Variants in EPC1 observed in about 807,000 individuals in gnomAD.
The protein encoded by EPC1 is enhancer of polycomb homolog 1.
EPC1 carries 12 observed loss-of-function variants against 98.4 expected under a neutral mutation model. That is an observed-to-expected ratio of 0.12 (90% CI 0.08 to 0.20). The LOEUF is 0.20. Among genes scored for constraint, EPC1 ranks in the 10% least tolerant of loss-of-function variants. EPC1 has a pLI of 1.00. For synonymous variants in EPC1, 357 were observed against 363.9 expected, an observed-to-expected ratio of 0.98 and a Z score of 0.21; for missense variants, 729 against 990.5, an observed-to-expected ratio of 0.74 and a Z score of 3.54.
upstream of EPC1, among the ~76,000 whole-genome samples, chr10:32,348,869 G>C (rs2133077529): frequency 6.6e-6 from 1 of 152,342 alleles, no homozygotes; most frequent in Middle Eastern, 3.4e-3. Flanking sequence ...ACCCAGGAGA[G>C]TAGTTCTAAT....
At chr10:32,366,130 G>C (rs1057055629) in intron 1 of EPC1, among the ~76,000 whole-genome samples, 3 of 152,032 alleles carry the variant, frequency 2.0e-5, no homozygotes, top group Admixed American at 1.3e-4. Context: ...CGAAACTCAG[G>C]CTAAAAACAA....
chr10:32,347,185 C>G, upstream of EPC1: 1 of 1,288,184 alleles, frequency 7.8e-7, no homozygotes. Flanking sequence ...CCCAGCCATT[C>G]CCCACACTGC....
chr10:32,321,228 G>A (rs796896034), intron 1 of EPC1, among the ~76,000 whole-genome samples: 5 of 152,134 alleles, frequency 3.3e-5, no homozygotes, highest in African/African-American at 1.2e-4. Flanking sequence ...TCATTCCACA[G>A]CTGCTTTTGC....
rs1592575921 is a variant in EPC1 at position 32,305,635 on chromosome 10, A to AT, written c.313+136dup. 2.8e-5 allele frequency: 14 copies of AT among 497,652 alleles called. No individual in the cohort carries two copies. The East Asian group carries it at 4.9e-4, about 17-fold the overall frequency. 30.8% of individuals were successfully genotyped at this position (497,652 alleles called of 1,614,324 possible). ...TCAAATATCATTTTAAAAGTTGAAA[A>AT]TGGACTCTACTAACTCTTAAGCTGA... On this transcript the variant is annotated intron_variant, in intron 2 of 13. Transcript: ENST00000319778.
rs188089286 is a variant in EPC1 at position 32,288,787 on chromosome 10, T to A, written c.976-1513A>T. 2.6e-3 allele frequency among the ~76,000 whole-genome samples: 390 copies of A among 152,170 alleles called. 3 individuals carry two copies. Among genetic ancestry groups the A allele is most frequent in the Non-Finnish European group, 3.4e-3 (228 of 68,006 alleles). On this transcript the variant is annotated intron_variant, in intron 6 of 13. Coordinates refer to ENST00000319778, the MANE Select transcript of EPC1 (RefSeq NM_001272004.3). Reference sequence around the variant, plus strand: ...GTAGGGCTCAGAGGGGGGGACCACATTAAAATAGTTAAGAGTGGGAGGTCG... The same window carrying A: ...GTAGGGCTCAGAGGGGGGGACCACAATAAAATAGTTAAGAGTGGGAGGTCG...
At chr10:32,333,768 C>CGAG (rs35447161) in intron 1 of EPC1, among the ~76,000 whole-genome samples, 122,123 of 151,920 alleles carry the variant, frequency 0.8, 50,030 homozygotes, top group East Asian at 0.96. Flanking sequence ...TAAGGCTTTA[C>CGAG]GAGAAGGGTG....
intron 1 of EPC1, among the ~76,000 whole-genome samples, chr10:32,344,675 A>G (rs999953863): frequency 6.6e-6 from 1 of 152,152 alleles, no homozygotes; most frequent in East Asian, 1.9e-4. Context: ...AATCCCAGCT[A>G]CTGGGGAGGC....
chr10:32,356,881 T>C (rs2133093602), intron 1 of EPC1, among the ~76,000 whole-genome samples: 1 of 152,130 alleles, frequency 6.6e-6, no homozygotes, highest in Admixed American at 6.5e-5. Context: ...CTCGGGAGGC[T>C]GAGGCAGGAG....
chr10:32,315,433 A>C (rs968436843), intron 1 of EPC1, among the ~76,000 whole-genome samples: 6 of 152,346 alleles, frequency 3.9e-5, no homozygotes, highest in African/African-American at 1.2e-4. Context: ...GCAAATAATG[A>C]TCATACCACT....
At chr10:32,333,734 TCA>T (rs1837779697) in intron 1 of EPC1, among the ~76,000 whole-genome samples, 3 of 150,538 alleles carry the variant, frequency 2.0e-5, no homozygotes, top group African/African-American at 7.3e-5. Context: ...ATTTTGCACT[TCA>T]CAGTGTATCT....
At chr10:32,291,140 A>G in intron 6 of EPC1, 23 bp downstream of exon 6, 1 of 1,597,178 alleles carries the variant, frequency 6.3e-7, no homozygotes, top group South Asian at 1.1e-5. Context: ...ATTAGATACT[A>G]TTATCACAAA....
intron 12 of EPC1, 27 bp from the exon 13 acceptor site, chr10:32,271,944 A>C (rs1179795017): frequency 6.2e-7 from 1 of 1,605,068 alleles, no homozygotes; most frequent in Non-Finnish European, 8.5e-7. Context: ...AGAAACATCT[A>C]AACAATGTAC....
chr10:32,285,867 C>T (rs1024829789), intron 9 of EPC1: 18 of 151,900 alleles, frequency 1.2e-4, no homozygotes, highest in Non-Finnish European at 2.2e-4. Context: ...ATATAGCTAA[C>T]GTAGAGAATT....
Position 32,346,222 on chromosome 10 carries a change from C to A in EPC1, c.153+541G>T, listed in dbSNP as rs193182051. ...GCCCGTCTGAGGCTCCACGTGGGGG[C>A]TGCACTGAGCCCAACAAGCTTCCCA... On this transcript the variant is annotated intron_variant, in intron 1 of 13. Coordinates refer to ENST00000319778, the MANE Select transcript of EPC1 (RefSeq NM_001272004.3). Among the ~76,000 whole-genome samples the A allele has an allele frequency of 2.5e-3, 380 of 152,318 alleles. 1 individual carries two copies. Among genetic ancestry groups the A allele is most frequent in the African/African-American group, 8.6e-3 (359 of 41,572 alleles).
At chr10:32,350,615 A>G (rs998202825), upstream of EPC1, among the ~76,000 whole-genome samples, 2 of 152,244 alleles carry the variant, frequency 1.3e-5, no homozygotes, top group Admixed American at 6.5e-5. Context: ...CAATTAGGAG[A>G]TAAAACTGGT....
At chr10:32,364,355 GTA>G (rs1839538007) in intron 1 of EPC1, among the ~76,000 whole-genome samples, 1 of 151,936 alleles carries the variant, frequency 6.6e-6, no homozygotes, top group Admixed American at 6.6e-5. Context: ...GTTACTCAGG[GTA>G]TTTTTAAAAA....
chr10:32,347,449 G>C (rs1157150867), upstream of EPC1: 1 of 157,176 alleles, frequency 6.4e-6, no homozygotes, highest in Non-Finnish European at 1.4e-5. Context: ...GCTCCCTCCC[G>C]GCGCCGCTTT....
intron 1 of EPC1, among the ~76,000 whole-genome samples, chr10:32,342,611 C>G (rs1444721935): frequency 1.3e-5 from 2 of 152,184 alleles, no homozygotes; most frequent in South Asian, 2.1e-4. Context: ...CTACTTGTAA[C>G]AGTTTCAAAG....
intron 1 of EPC1, among the ~76,000 whole-genome samples, chr10:32,339,058 A>C (rs1293635897): frequency 1.3e-5 from 2 of 152,194 alleles, no homozygotes; most frequent in African/African-American, 4.8e-5. Context: ...TACATCTTTA[A>C]ATCCTTTAGA....
Sources: allele counts gnomAD v4.1 joint callset (sites outside exome capture counted in the v4.1 genomes callset), GRCh38; gene constraint gnomAD v4.1.1; transcripts MANE v1.5; gene names NCBI Gene and HGNC (gene_info 2026-07-23, HGNC 2026-07-21).